Variants in CELF4 observed in about 807,000 individuals in gnomAD.
CELF4 encodes the protein CUGBP Elav-like family member 4.
CELF4 carries 18 observed loss-of-function variants against 59.9 expected under a neutral mutation model. The observed-to-expected ratio is 0.30, with a 90% CI of 0.21 to 0.45. The LOEUF is 0.45. Ranked by LOEUF, CELF4 falls within the 20% of genes least tolerant of loss-of-function variation. The pLI, the probability that CELF4 is intolerant of heterozygous loss-of-function variation, is 1.00. For synonymous variants in CELF4, 261 were observed against 267.1 expected (o/e 0.98, Z 0.22); for missense variants, 456 against 689.0 (o/e 0.66, Z 3.79).
intron 2 of CELF4, among the ~76,000 whole-genome samples, chr18:37,354,499 G>A (rs975337675): frequency 6.6e-6 from 1 of 152,204 alleles, no homozygotes; most frequent in African/African-American, 2.4e-5. Flanking sequence ...ACAGACCCAT[G>A]CTCGGCTGCA....
chr18:37,400,236 C>T (rs2099309690), intron 2 of CELF4, among the ~76,000 whole-genome samples: 1 of 152,212 alleles, frequency 6.6e-6, no homozygotes, highest in South Asian at 2.1e-4. Context: ...GCTTGCTGCT[C>T]TGCCCTATAG....
intron 2 of CELF4, among the ~76,000 whole-genome samples, chr18:37,422,489 T>C (rs2099584207): frequency 6.6e-6 from 1 of 152,150 alleles, no homozygotes; most frequent in Non-Finnish European, 1.5e-5. Flanking sequence ...AAGTCAGCCC[T>C]GCAAGTGTCA....
intron 2 of CELF4, among the ~76,000 whole-genome samples, chr18:37,480,039 A>T (rs1157031401): frequency 6.6e-6 from 1 of 152,214 alleles, no homozygotes; most frequent in African/African-American, 2.4e-5. Flanking sequence ...CTCAGAAAGA[A>T]CCAACTCTGC....
intron 2 of CELF4, among the ~76,000 whole-genome samples, chr18:37,394,686 G>A (rs867127474): frequency 6.6e-6 from 1 of 152,186 alleles, no homozygotes. Context: ...AGACATGGGG[G>A]GTGTCACACG....
At chr18:37,315,166 G>A (rs2096824726) in intron 3 of CELF4, among the ~76,000 whole-genome samples, 1 of 152,096 alleles carries the variant, frequency 6.6e-6, no homozygotes, top group South Asian at 2.1e-4. Context: ...TCCCAAGCCT[G>A]TGCCTTGGGA....
chr18:37,387,940 C>T (rs1348061962), intron 2 of CELF4, among the ~76,000 whole-genome samples: 2 of 152,170 alleles, frequency 1.3e-5, no homozygotes, highest in Admixed American at 6.5e-5. Flanking sequence ...CAGCTTTCTC[C>T]CTAGTATTCA....
chr18:37,375,407 G>A (rs1184639798), intron 2 of CELF4, among the ~76,000 whole-genome samples: 1 of 152,136 alleles, frequency 6.6e-6, no homozygotes, highest in African/African-American at 2.4e-5. Context: ...TTCAGGGCTG[G>A]TTCCTTCAGC....
At chr18:37,527,103 C>A (rs1603643438) in intron 1 of CELF4, among the ~76,000 whole-genome samples, 3 of 151,988 alleles carry the variant, frequency 2.0e-5, no homozygotes, top group African/African-American at 7.3e-5. Flanking sequence ...TTTCCCATTG[C>A]CCCCATCCCC....
intron 3 of CELF4, among the ~76,000 whole-genome samples, chr18:37,320,925 C>A (rs895075191): frequency 6.6e-6 from 1 of 151,762 alleles, no homozygotes; most frequent in East Asian, 1.9e-4. Context: ...AGCTGGTGCC[C>A]GGGTAGGGGA....
intron 1 of CELF4, among the ~76,000 whole-genome samples, chr18:37,498,918 C>G (rs2099928342): frequency 6.6e-6 from 1 of 152,206 alleles, no homozygotes. Context: ...GAGTGCCCAG[C>G]AGAGCACCTG....
rs1377874047 is a variant in CELF4, at chr18:37,243,296, G to A, written c.*1946C>T. ...CAAAATTGACAGAAAGAAAGGAAAG[G>A]CAGGAGGCCCTAGAGGAACTGGAAA... On this transcript the variant is annotated 3_prime_UTR_variant, in exon 13 of 13. Transcript: ENST00000420428. 7.3e-5 allele frequency: 11 copies of A among 150,332 alleles called. No individual in the cohort carries two copies. The highest frequency in any genetic ancestry group is 1.3e-4 in the Non-Finnish European group (9 of 67,868). The allele number at this position is 150,332 out of a possible 1,614,324, so 9.3% of individuals were successfully genotyped here.
chr18:37,394,908 C>T (rs531889625), intron 2 of CELF4, among the ~76,000 whole-genome samples: 18 of 151,634 alleles, frequency 1.2e-4, no homozygotes, highest in African/African-American at 4.4e-4. Flanking sequence ...TGTCTGGTGG[C>T]CATCACTCCA....
chr18:37,442,402 C>T (rs1251417713), intron 2 of CELF4, among the ~76,000 whole-genome samples: 4 of 152,122 alleles, frequency 2.6e-5, no homozygotes, highest in Non-Finnish European at 5.9e-5. Flanking sequence ...AACTAGATCT[C>T]AGAAAAAAAA....
chr18:37,307,476 C>T (rs1178427874), intron 3 of CELF4, among the ~76,000 whole-genome samples: 2 of 152,132 alleles, frequency 1.3e-5, no homozygotes, highest in African/African-American at 2.4e-5. Flanking sequence ...AAATCTTCCC[C>T]CCGTCCCCCG....
intron 2 of CELF4, among the ~76,000 whole-genome samples, chr18:37,420,465 G>A (rs1314934259): frequency 6.6e-6 from 1 of 152,230 alleles, no homozygotes; most frequent in Non-Finnish European, 1.5e-5. Context: ...GGTGGGACTT[G>A]AACTGGGTGG....
At chr18:37,421,577 C>G (rs2099578486) in intron 2 of CELF4, among the ~76,000 whole-genome samples, 1 of 152,230 alleles carries the variant, frequency 6.6e-6, no homozygotes, top group African/African-American at 2.4e-5. Context: ...GTCTCCCAGC[C>G]AGACAGTGAC....
chr18:37,457,991 G>C (rs559055422), intron 2 of CELF4, among the ~76,000 whole-genome samples: 87 of 152,292 alleles, frequency 5.7e-4, no homozygotes, highest in African/African-American at 1.8e-3. Flanking sequence ...TCAGGCTGAG[G>C]GTGTTGGCAG....
chr18:37,488,310 C>T (rs1044355968), intron 1 of CELF4, among the ~76,000 whole-genome samples: 2 of 152,152 alleles, frequency 1.3e-5, no homozygotes, highest in Admixed American at 1.3e-4. Context: ...CTTTGAGGGG[C>T]AGGCTCCCCA....
chr18:37,363,789 C>T (rs893217685), intron 2 of CELF4, among the ~76,000 whole-genome samples: 3 of 152,164 alleles, frequency 2.0e-5, no homozygotes, highest in African/African-American at 7.2e-5. Flanking sequence ...GCCTGGTCCC[C>T]TTTATGCACG....
Sources: gnomAD v4.1 joint callset for allele counts (sites outside exome capture counted in the v4.1 genomes callset) on GRCh38, gnomAD v4.1.1 for gene constraint, MANE v1.5 for transcripts, NCBI Gene and HGNC (gene_info 2026-07-23, HGNC 2026-07-21) for gene names.